The following STARD10 variants were observed in gnomAD, a reference collection of about 807,000 sequenced individuals.
The protein encoded by STARD10 is StAR related lipid transfer domain containing 10, also known as START domain-containing protein 10.
In STARD10, 24 loss-of-function variants were observed where a neutral mutation model predicts 36.0. The observed-to-expected ratio is 0.67, with a 90% CI of 0.48 to 0.94. The LOEUF is 0.94. Among genes scored for constraint, STARD10 ranks in the 40% least tolerant of loss-of-function variants. STARD10 has a pLI of 0.00. For synonymous variants in STARD10, 156 were observed against 161.9 expected, an observed-to-expected ratio of 0.96 and a Z score of 0.28; for missense variants, 335 against 396.6, an observed-to-expected ratio of 0.84 and a Z score of 1.32.
chr11:72,784,885 C>G (rs1859052213), intron 1 of STARD10, among the ~76,000 whole-genome samples: 4 of 152,214 alleles, frequency 2.6e-5, no homozygotes, highest in Non-Finnish European at 5.9e-5. Context: ...TTACACAGGG[C>G]ACTGGGCAGG....
chr11:72,788,004 G>T (rs576765719), intron 1 of STARD10, among the ~76,000 whole-genome samples: 1 of 152,182 alleles, frequency 6.6e-6, no homozygotes, highest in Non-Finnish European at 1.5e-5. Flanking sequence ...AGAGGTTTGG[G>T]GGGGGCAGCC....
In STARD10 at chr11:72,754,935, C is replaced by T; in HGVS notation, c.838G>A (p.Gly280Ser). 1 of 1,602,440 alleles carries T rather than the reference C, an allele frequency of 6.2e-7. No homozygotes were observed. Among genetic ancestry groups the T allele is most frequent in the Non-Finnish European group, 8.5e-7 (1 of 1,178,118 alleles). Reference sequence around the variant, plus strand: ...GTGTCGTCGTCGCTGCCCTCGCCGCCCGCGCCGCCCATCCGCTCCTCTCTG... The same window carrying T: ...GTGTCGTCGTCGCTGCCCTCGCCGCTCGCGCCGCCCATCCGCTCCTCTCTG... ...ESREERMGGA[G>S]GEGSDDDTSL... Residue 280 changes from glycine (G) to serine (S), a missense_variant, in exon 7 of 7, where the codon GGC becomes AGC. Physicochemically the swap from Gly to Ser is moderately conservative, Grantham distance 56. Coordinates refer to ENST00000334805, the MANE Select transcript of STARD10 (RefSeq NM_006645.3).
chr11:72,777,170 G>C (rs1858938523), intron 2 of STARD10, among the ~76,000 whole-genome samples: 1 of 152,268 alleles, frequency 6.6e-6, no homozygotes, highest in Non-Finnish European at 1.5e-5. Flanking sequence ...AGGGTCTGAA[G>C]ACCTCTGAGG....
chr11:72,786,210 G>A (rs1859068751), intron 1 of STARD10, among the ~76,000 whole-genome samples: 1 of 152,158 alleles, frequency 6.6e-6, no homozygotes, highest in Non-Finnish European at 1.5e-5. Flanking sequence ...AAATTAGCTG[G>A]GCGTGGTGGT....
At chr11:72,767,686 C>A (rs1266383324) in intron 2 of STARD10, among the ~76,000 whole-genome samples, 1 of 152,242 alleles carries the variant, frequency 6.6e-6, no homozygotes, top group Non-Finnish European at 1.5e-5. Context: ...GAACCCAGTG[C>A]TGGGGCTCCA....
chr11:72,787,836 GCTT>G (rs1427401058), intron 1 of STARD10, among the ~76,000 whole-genome samples: 1 of 152,210 alleles, frequency 6.6e-6, no homozygotes, highest in Non-Finnish European at 1.5e-5. Context: ...TGGGACCACA[GCTT>G]CTTTTCTGGC....
intron 1 of STARD10, chr11:72,783,474 C>T (rs1859030495): frequency 6.6e-6 from 1 of 152,384 alleles, no homozygotes; most frequent in African/African-American, 2.4e-5. Flanking sequence ...TCTCTGCTAT[C>T]TACCTCCTCT....
Position 72,755,010 on chromosome 11 carries a change from G to A in STARD10, c.763C>T (p.Gln255Ter). The change falls in exon 7 of 7, where the codon CAG (glutamine) becomes TAG (stop). Residue 255 changes from glutamine to a stop codon, truncating the protein, a stop_gained. Coordinates refer to ENST00000334805, the MANE Select transcript of STARD10 (RefSeq NM_006645.3). LOFTEE classifies it high-confidence loss of function. ...ATGTTCTCCAGTGAGTCCGCATGCT[G>A]CACCGACAGCTCCGACAGCGCCAGG... is the stretch of plus-strand genomic sequence containing the variant. ...PSLALSELSV[Q>*]HADSLENIDE... 1 of 1,613,088 alleles carries A rather than the reference G, an allele frequency of 6.2e-7. No homozygotes were observed. The highest frequency in any genetic ancestry group is 8.5e-7 in the Non-Finnish European group (1 of 1,179,716).
intron 2 of STARD10, among the ~76,000 whole-genome samples, chr11:72,774,021 T>A (rs1205168912): frequency 6.6e-6 from 1 of 152,220 alleles, no homozygotes; most frequent in Non-Finnish European, 1.5e-5. Flanking sequence ...ATCAGGCCTC[T>A]ACCTCAAGAC....
At chr11:72,756,831 G>C (rs1415868526) in intron 5 of STARD10, among the ~76,000 whole-genome samples, 1 of 152,000 alleles carries the variant, frequency 6.6e-6, no homozygotes, top group Non-Finnish European at 1.5e-5. Flanking sequence ...AACTGCCGAG[G>C]AGGAGGCAGA....
intron 2 of STARD10, among the ~76,000 whole-genome samples, chr11:72,767,275 G>A (rs77106637): frequency 0.13 from 19,832 of 152,160 alleles, 1,745 homozygotes; most frequent in South Asian, 0.21. Flanking sequence ...CCTGGACCAT[G>A]GACCCCACAG....
intron 2 of STARD10, 104 bp from the exon 3 acceptor site, chr11:72,759,485 G>A (rs867404962): frequency 1.2e-5 from 16 of 1,383,616 alleles, no homozygotes; most frequent in South Asian, 2.4e-5. Flanking sequence ...AAAGAGGACA[G>A]CAAAGAACAG....
intron 1 of STARD10, among the ~76,000 whole-genome samples, chr11:72,789,248 C>T (rs1859112835): frequency 6.6e-6 from 1 of 152,190 alleles, no homozygotes; most frequent in Non-Finnish European, 1.5e-5. Context: ...GTGCCTGGCA[C>T]ACAGTGAGTG....
At chr11:72,786,275 C>A (rs1377773931) in intron 1 of STARD10, among the ~76,000 whole-genome samples, 1 of 152,064 alleles carries the variant, frequency 6.6e-6, no homozygotes, top group African/African-American at 2.4e-5. Context: ...TGGCTTGAGC[C>A]CGGGAGATCA....
At chr11:72,772,375 G>A (rs1858873757) in intron 2 of STARD10, among the ~76,000 whole-genome samples, 1 of 152,120 alleles carries the variant, frequency 6.6e-6, no homozygotes, top group Non-Finnish European at 1.5e-5. Context: ...CGCTGCCATA[G>A]GGGGCATGGT....
chr11:72,776,640 A>G (rs1858933745), intron 2 of STARD10, among the ~76,000 whole-genome samples: 1 of 152,082 alleles, frequency 6.6e-6, no homozygotes, highest in African/African-American at 2.4e-5. Flanking sequence ...GCACAAGTGA[A>G]TTCCTGCTCT....
rs1414929124 is a variant in STARD10 at position 72,755,132 on chromosome 11, T to A, written c.641A>T (p.Lys214Met). ...SQFLAPKAMK[K>M]MYKACLKYPE... ...GTACTTGAGGCACGCCTTGTACATC[T>A]TCTTCATGGCCTGTGGGCCCGCCGC... The change falls in exon 7 of 7, where the codon AAG (lysine) becomes ATG (methionine). Residue 214 changes from lysine (K) to methionine (M), a missense_variant. Lys to Met is a moderately conservative substitution (Grantham distance 95). Transcript: ENST00000334805. 6.2e-7 allele frequency: 1 copy of A among 1,612,592 alleles called. No individual in the cohort carries two copies. The highest frequency in any genetic ancestry group is 8.5e-7 in the Non-Finnish European group (1 of 1,179,398).
intron 2 of STARD10, chr11:72,779,984 G>C (rs1023932336): frequency 6.9e-6 from 2 of 290,566 alleles, no homozygotes; most frequent in South Asian, 2.8e-5. Context: ...AGAAGGGGAG[G>C]GTGGACTCCT....
intron 2 of STARD10, among the ~76,000 whole-genome samples, chr11:72,760,847 TATCC>T: frequency 6.6e-6 from 1 of 152,026 alleles, no homozygotes; most frequent in East Asian, 1.9e-4. Context: ...CCAAGTGCCC[TATCC>T]CCAAGATCAA....
Sources: allele counts gnomAD v4.1 joint callset (sites outside exome capture counted in the v4.1 genomes callset), GRCh38; gene constraint gnomAD v4.1.1; transcripts MANE v1.5; gene names NCBI Gene and HGNC (gene_info 2026-07-23, HGNC 2026-07-21).